Variants in SLC23A1 observed in about 807,000 individuals in gnomAD.
The protein encoded by SLC23A1 is Na(+)/L-ascorbic acid transporter 1.
In SLC23A1, 31 loss-of-function variants were observed where a neutral mutation model predicts 62.5. The observed-to-expected ratio is 0.50, with a 90% confidence interval of 0.37 to 0.67. The LOEUF (loss-of-function observed/expected upper bound fraction) is 0.67, where lower values mean the gene tolerates loss of function less well. Among genes scored for constraint, SLC23A1 ranks in the 30% least tolerant of loss-of-function variants. The probability of loss-of-function intolerance (pLI) is 0.00; values close to 1 mark genes in which losing one functional copy is unlikely to be tolerated. For missense variants in SLC23A1, 640 were observed against 782.7 expected (o/e 0.82, Z 2.18); for synonymous variants, 271 against 313.2 (o/e 0.87, Z 1.42).
intron 1 of SLC23A1, 50 bp downstream of exon 1, chr5:139,383,168 G>GGCCCC: frequency 4.1e-6 from 1 of 242,714 alleles, no homozygotes; most frequent in South Asian, 4.3e-5. Flanking sequence ...AGGCCCTCCA[G>GGCCCC]CCCCCCACCC....
intron 13 of SLC23A1, among the ~76,000 whole-genome samples, chr5:139,373,906 A>T (rs931991200): frequency 1.3e-5 from 2 of 152,154 alleles, no homozygotes; most frequent in African/African-American, 2.4e-5. Context: ...CAAGACACAC[A>T]TGGCAGCCAG....
rs1356074978 is a variant in SLC23A1, at chr5:139,367,345, A to C, written c.*306T>G. The C allele has an allele frequency of 6.6e-6, 1 of 152,218 alleles. No individual in the cohort carries two copies. Among genetic ancestry groups the C allele is most frequent in the Non-Finnish European group, 1.5e-5 (1 of 68,044 alleles). The allele number at this position is 152,218 out of a possible 1,614,324, so 9.4% of individuals were successfully genotyped here. A position where few individuals can be genotyped will look rare whatever the true frequency, so the allele number is the denominator to read the frequency against. ...TATTTTTTTCAACTTGCAGTCTAAA[A>C]TATCACAGAGGAAAATTTCTAGCTG... On this transcript the variant is annotated 3_prime_UTR_variant, in exon 15 of 15. Coordinates refer to ENST00000348729, the MANE Select transcript of SLC23A1 (RefSeq NM_005847.5).
rs756329123 is a variant in SLC23A1 at position 139,379,403 on chromosome 5, T to C, written c.926-49A>G. The C allele has an allele frequency of 6.3e-7, 1 of 1,583,234 alleles. No homozygotes were observed. Among genetic ancestry groups the C allele is most frequent in the Admixed American group, 1.7e-5 (1 of 59,638 alleles). ...GGTGGCTACAGTGAGGAGACTGTGA[T>C]GGTTAGGAATAGACAGGGCAGTGCT... On this transcript the variant is annotated intron_variant, in intron 8 of 14. Coordinates refer to ENST00000348729, the MANE Select transcript of SLC23A1 (RefSeq NM_005847.5). The surrounding 1 kb of genome is among the most constrained non-coding windows in gnomAD (Gnocchi z 4.7).
At chr5:139,377,781 A>T (rs909998419) in intron 12 of SLC23A1, among the ~76,000 whole-genome samples, 194 bp downstream of exon 12, 1 of 152,206 alleles carries the variant, frequency 6.6e-6, no homozygotes, top group African/African-American at 2.4e-5. Flanking sequence ...AAATAAGCAC[A>T]TGTAAAGGTC....
At chr5:139,384,643 C>A, upstream of SLC23A1, 1 of 1,227,656 alleles carries the variant, frequency 8.1e-7, no homozygotes, top group South Asian at 1.4e-5. Flanking sequence ...CGACCCCCTG[C>A]AGATACGGCT....
At chr5:139,370,163 G>GTGGT (rs930415750) in intron 14 of SLC23A1, among the ~76,000 whole-genome samples, 5 of 152,248 alleles carry the variant, frequency 3.3e-5, no homozygotes, top group East Asian at 3.9e-4. Context: ...ACCCCAGTGT[G>GTGGT]TGGTTGGTTG....
chr5:139,375,281 C>A (rs1757892390), intron 13 of SLC23A1, among the ~76,000 whole-genome samples: 1 of 152,220 alleles, frequency 6.6e-6, no homozygotes, highest in African/African-American at 2.4e-5. Flanking sequence ...AGTCCTGCAG[C>A]CCAGGTCCCC....
chr5:139,384,251 A>AG (rs141879077), upstream of SLC23A1: 1,333 of 872,504 alleles, frequency 1.5e-3, 15 homozygotes, highest in African/African-American at 0.022. Flanking sequence ...GGACATGGGG[A>AG]GGGGCCCTAA....
intron 3 of SLC23A1, among the ~76,000 whole-genome samples, chr5:139,381,687 G>C (rs1758268936): frequency 6.6e-6 from 1 of 151,916 alleles, no homozygotes; most frequent in African/African-American, 2.4e-5. Flanking sequence ...GCAGATGCCT[G>C]GTCTTTGAAG....
chr5:139,368,708 G>C (rs913982852), intron 14 of SLC23A1: 5 of 1,561,966 alleles, frequency 3.2e-6, no homozygotes, highest in Non-Finnish European at 4.4e-6. Flanking sequence ...TAATGAACTT[G>C]CTTTTTTATG....
At chr5:139,382,164 A>G in intron 2 of SLC23A1, 115 bp from the exon 3 acceptor site, 1 of 1,016,836 alleles carries the variant, frequency 9.8e-7, no homozygotes, top group South Asian at 1.6e-5. Flanking sequence ...CTGCCTGCCC[A>G]GGACTGGCAG....
At chr5:139,385,631 TA>T (rs1173851695), upstream of SLC23A1, among the ~76,000 whole-genome samples, 23 of 152,302 alleles carry the variant, frequency 1.5e-4, no homozygotes, top group African/African-American at 5.5e-4. Flanking sequence ...TTTGCAAAAT[TA>T]TGACTGAGAC....
chr5:139,378,187 C>T lies in SLC23A1; in HGVS notation c.1309+35G>A, dbSNP rs1177279687. ...TCCAGGTGAGTCCCACTCGGCGACC[C>T]GCACCGCGACCCGTGGCCCGCGCCA... On this transcript the variant is annotated intron_variant, in intron 11 of 14. Transcript: ENST00000348729. This position sits in a 1 kb window ranked among gnomAD's most constrained non-coding sequence, Gnocchi z 4.5. 6.2e-6 allele frequency: 10 copies of T among 1,612,648 alleles called. No homozygotes were observed. In the African/African-American group the frequency reaches 1.2e-4, roughly 19 times the overall value.
intron 13 of SLC23A1, 49 bp from the exon 14 acceptor site, chr5:139,372,302 A>AC: frequency 6.4e-7 from 1 of 1,573,398 alleles, no homozygotes; most frequent in Non-Finnish European, 8.7e-7. Context: ...ACCCTCAGCC[A>AC]CCCCCACTTC....
chr5:139,373,847 G>A (rs758325336), intron 13 of SLC23A1, among the ~76,000 whole-genome samples: 3 of 152,210 alleles, frequency 2.0e-5, no homozygotes, highest in Non-Finnish European at 2.9e-5. Context: ...TGAGCCATAG[G>A]TGTGGCGTAG....
At chr5:139,367,697 T>C (rs1413140263) in intron 14 of SLC23A1, 66 bp from the exon 15 acceptor site, 2 of 151,586 alleles carry the variant, frequency 1.3e-5, no homozygotes, top group Non-Finnish European at 2.9e-5. Flanking sequence ...GATTCTAAAG[T>C]AAAATCAGCA....
At chr5:139,373,185 T>A (rs1757773370) in intron 13 of SLC23A1, among the ~76,000 whole-genome samples, 2 of 152,006 alleles carry the variant, frequency 1.3e-5, no homozygotes, top group Non-Finnish European at 2.9e-5. Flanking sequence ...TTTGTTGTTG[T>A]TGTTGTTTTT....
chr5:139,378,190 A>C lies in SLC23A1; in HGVS notation c.1309+32T>G. The C allele has an allele frequency of 6.2e-7, 1 of 1,612,914 alleles. No homozygotes were observed. Among genetic ancestry groups the C allele is most frequent in the Non-Finnish European group, 8.5e-7 (1 of 1,179,484 alleles). Reference sequence around the variant, plus strand: ...AGGTGAGTCCCACTCGGCGACCCGCACCGCGACCCGTGGCCCGCGCCAGAC... The same window carrying C: ...AGGTGAGTCCCACTCGGCGACCCGCCCCGCGACCCGTGGCCCGCGCCAGAC... On this transcript the variant is annotated intron_variant, in intron 11 of 14. Transcript: ENST00000348729. The surrounding 1 kb of genome is among the most constrained non-coding windows in gnomAD (Gnocchi z 4.5).
intron 14 of SLC23A1, chr5:139,368,807 G>A: frequency 6.2e-7 from 1 of 1,602,388 alleles, no homozygotes; most frequent in Middle Eastern, 1.7e-4. Flanking sequence ...GAGTAGACGG[G>A]GCCCTCTTTT....
Sources: gnomAD v4.1 joint callset for allele counts (sites outside exome capture counted in the v4.1 genomes callset) on GRCh38, gnomAD v4.1.1 for gene constraint, Gnocchi (gnomAD v3.1) non-coding constraint, MANE v1.5 for transcripts, NCBI Gene and HGNC (gene_info 2026-07-23, HGNC 2026-07-21) for gene names.